The following ESR1 variants were observed in gnomAD, a reference collection of about 807,000 sequenced individuals.
ESR1 encodes the protein estrogen receptor.
In ESR1, 12 loss-of-function variants were observed where a neutral mutation model predicts 52.7. The observed-to-expected ratio is 0.23, with a 90% CI of 0.15 to 0.37. The LOEUF (loss-of-function observed/expected upper bound fraction) is 0.37, where lower values mean the gene tolerates loss of function less well. Ranked by LOEUF, ESR1 falls within the 10% of genes least tolerant of loss-of-function variation. The probability of loss-of-function intolerance (pLI) is 1.00; values close to 1 mark genes in which losing one functional copy is unlikely to be tolerated. For synonymous variants in ESR1, 305 were observed against 316.8 expected, an observed-to-expected ratio of 0.96 and a Z score of 0.39; for missense variants, 584 against 779.7, an observed-to-expected ratio of 0.75 and a Z score of 2.99.
At chr6:152,089,821 C>CGCCT (rs1269067506) in intron 6 of ESR1, among the ~76,000 whole-genome samples, 3 of 152,162 alleles carry the variant, frequency 2.0e-5, no homozygotes, top group Non-Finnish European at 4.4e-5. Context: ...TCAAGTGTTC[C>CGCCT]GCCTGCCTTG....
intron 2 of ESR1, among the ~76,000 whole-genome samples, chr6:151,713,731 T>G (rs1780803420): frequency 6.6e-6 from 1 of 152,186 alleles, no homozygotes; most frequent in Non-Finnish European, 1.5e-5. Flanking sequence ...TTCTCTTTTC[T>G]TCTTTATTAG....
intron 2 of ESR1, among the ~76,000 whole-genome samples, chr6:151,756,712 G>A (rs77455491): frequency 0.04 from 6,123 of 152,308 alleles, 381 homozygotes; most frequent in African/African-American, 0.14. Flanking sequence ...TAAATGGGCC[G>A]GGCGTGATGG....
At chr6:152,119,096 C>T (rs935081518) in intron 6 of ESR1, among the ~76,000 whole-genome samples, 1 of 152,200 alleles carries the variant, frequency 6.6e-6, no homozygotes, top group Non-Finnish European at 1.5e-5. Context: ...TTTCTGGACA[C>T]GATTAGCTTT....
intron 1 of ESR1, among the ~76,000 whole-genome samples, chr6:151,837,181 A>T (rs1386324662): frequency 6.8e-6 from 1 of 146,588 alleles, no homozygotes; most frequent in Non-Finnish European, 1.5e-5. Context: ...GCTCACTGCA[A>T]CCTCTGCCTC....
intron 4 of ESR1, among the ~76,000 whole-genome samples, chr6:151,969,315 C>G (rs150062265): frequency 6.6e-6 from 1 of 152,046 alleles, no homozygotes; most frequent in Non-Finnish European, 1.5e-5. Flanking sequence ...GAGTTTGGGT[C>G]CAGAGTCAAA....
intron 2 of ESR1, among the ~76,000 whole-genome samples, chr6:151,732,061 A>G (rs946880347): frequency 5.9e-5 from 9 of 152,190 alleles, no homozygotes; most frequent in Non-Finnish European, 1.2e-4. Flanking sequence ...GTTTACTCTG[A>G]AAATCTTTCT....
intron 2 of ESR1, among the ~76,000 whole-genome samples, chr6:151,727,793 T>A (rs1686918025): frequency 6.6e-6 from 1 of 152,136 alleles, no homozygotes. Context: ...TCTGATAGTT[T>A]TATAAGGGCC....
intron 6 of ESR1, among the ~76,000 whole-genome samples, chr6:152,062,431 T>C (rs927771335): frequency 6.6e-6 from 1 of 152,214 alleles, no homozygotes; most frequent in African/African-American, 2.4e-5. Flanking sequence ...TAAATGGAAA[T>C]CTGTACTATT....
intron 2 of ESR1, among the ~76,000 whole-genome samples, chr6:151,869,014 C>A (rs1476423499): frequency 6.6e-6 from 1 of 152,078 alleles, no homozygotes; most frequent in Non-Finnish European, 1.5e-5. Flanking sequence ...CCCAAAGCAC[C>A]AAAATGGCCC....
intron 2 of ESR1, among the ~76,000 whole-genome samples, chr6:151,798,217 T>G (rs1037817063): frequency 2.0e-5 from 3 of 151,868 alleles, no homozygotes; most frequent in Non-Finnish European, 4.4e-5. Flanking sequence ...GCTGTGGGTT[T>G]TGATTAGAAT....
At chr6:152,054,881 C>T (rs2046976155) in intron 5 of ESR1, among the ~76,000 whole-genome samples, 1 of 152,076 alleles carries the variant, frequency 6.6e-6, no homozygotes, top group South Asian at 2.1e-4. Context: ...CTGATCATGC[C>T]AGTTGGAAAT....
At chr6:151,963,678 T>C (rs1384572822) in intron 4 of ESR1, among the ~76,000 whole-genome samples, 1 of 152,352 alleles carries the variant, frequency 6.6e-6, no homozygotes, top group East Asian at 1.9e-4. Flanking sequence ...GAAAGCTTTT[T>C]AGTTTCATGC....
At chr6:151,906,715 T>G (rs2128422229) in intron 3 of ESR1, among the ~76,000 whole-genome samples, 1 of 146,750 alleles carries the variant, frequency 6.8e-6, no homozygotes, top group East Asian at 2.0e-4. Flanking sequence ...AGTATGCAGC[T>G]TGACTTTGCT....
exon 7 of ESR1, chr6:152,129,491 G>A (rs867954217): frequency 7.3e-5 from 11 of 151,262 alleles, no homozygotes; most frequent in Non-Finnish European, 1.2e-4. Flanking sequence ...GCGGATGCTC[G>A]TCATTATCTT....
intron 2 of ESR1, among the ~76,000 whole-genome samples, chr6:151,770,054 G>A (rs1785387694): frequency 6.6e-6 from 1 of 151,738 alleles, no homozygotes; most frequent in African/African-American, 2.4e-5. Context: ...GGATGAAGAG[G>A]GATGAGGAGA....
intron 2 of ESR1, among the ~76,000 whole-genome samples, chr6:151,854,232 C>T (rs1787423102): frequency 6.6e-6 from 1 of 152,122 alleles, no homozygotes; most frequent in African/African-American, 2.4e-5. Flanking sequence ...TGAAAAATAA[C>T]AACATGTAAG....
chr6:151,903,793 A>G (rs79248896), intron 3 of ESR1, among the ~76,000 whole-genome samples: 1,950 of 152,270 alleles, frequency 0.013, 45 homozygotes, highest in African/African-American at 0.045. Flanking sequence ...TGATCGCTTA[A>G]TTGAATGGGA....
chr6:152,056,057 AT>A, intron 5 of ESR1, among the ~76,000 whole-genome samples: 1 of 152,184 alleles, frequency 6.6e-6, no homozygotes, highest in Non-Finnish European at 1.5e-5. Flanking sequence ...TGGCATCAAG[AT>A]TTGAACCCAG....
At chr6:151,842,290 T>A (rs1784419254) in intron 1 of ESR1, among the ~76,000 whole-genome samples, 1 of 152,202 alleles carries the variant, frequency 6.6e-6, no homozygotes, top group East Asian at 1.9e-4. Flanking sequence ...GAAATAATTG[T>A]ATATTCCTGC....
Sources: allele counts gnomAD v4.1 joint callset (sites outside exome capture counted in the v4.1 genomes callset), GRCh38; gene constraint gnomAD v4.1.1; transcripts MANE v1.5; gene names NCBI Gene and HGNC (gene_info 2026-07-23, HGNC 2026-07-21).